FAM81B: variants seen among roughly 807,000 people sequenced by gnomAD.
The protein encoded by FAM81B is family with sequence similarity 81 member B.
A neutral mutation model predicts 58.7 loss-of-function variants in FAM81B; 60 were observed. The ratio of observed to expected loss-of-function variants is 1.02; its 90% CI spans 0.83 to 1.27. The LOEUF (loss-of-function observed/expected upper bound fraction) is 1.27, where lower values mean the gene tolerates loss of function less well. Among genes scored for constraint, FAM81B ranks in the 50% most tolerant of loss-of-function variants. The probability of loss-of-function intolerance (pLI) is 0.00; values close to 1 mark genes in which losing one functional copy is unlikely to be tolerated. For synonymous variants in FAM81B, 189 were observed against 179.6 expected, an observed-to-expected ratio of 1.05 and a Z score of -0.42; for missense variants, 491 against 522.0, an observed-to-expected ratio of 0.94 and a Z score of 0.58.
chr5:95,409,486 T>TTTTTTTTTTTTTTTTTTTTTTTG (rs1554043553), intron 3 of FAM81B, among the ~76,000 whole-genome samples: 5 of 151,500 alleles, frequency 3.3e-5, no homozygotes, highest in Admixed American at 6.6e-5. Flanking sequence ...GAATTTTTCT[T>TTTTTTTTTTTTTTTTTTTTTTTG]AATGTGGCTA....
intron 5 of FAM81B, 36 bp from the exon 6 acceptor site, chr5:95,428,567 G>C: frequency 6.2e-7 from 1 of 1,611,026 alleles, no homozygotes; most frequent in Non-Finnish European, 8.5e-7. Context: ...ATGTTATAAA[G>C]GTATTGATCC....
intron 3 of FAM81B, among the ~76,000 whole-genome samples, chr5:95,408,644 C>T (rs1023092199): frequency 6.6e-5 from 10 of 152,288 alleles, no homozygotes; most frequent in Non-Finnish European, 1.5e-4. Context: ...GCTGGGTAAA[C>T]TCGGACAAAA....
chr5:95,439,236 G>GTATATATATATATAAATATA (rs1745222151), intron 7 of FAM81B, among the ~76,000 whole-genome samples: 1 of 105,186 alleles, frequency 9.5e-6, no homozygotes, highest in African/African-American at 3.5e-5. Context: ...AGGTTAAAGA[G>GTATATATATATATAAATATA]TATATATATA....
At chr5:95,424,943 C>G (rs1264097077) in intron 5 of FAM81B, among the ~76,000 whole-genome samples, 1 of 151,902 alleles carries the variant, frequency 6.6e-6, no homozygotes. Flanking sequence ...AAGAAAAAGT[C>G]AAGATACTAT....
chr5:95,438,800 A>G (rs1465489831), intron 7 of FAM81B, among the ~76,000 whole-genome samples: 1 of 151,060 alleles, frequency 6.6e-6, no homozygotes, highest in East Asian at 1.9e-4. Context: ...AAAAAAAAAA[A>G]ACCAACAACA....
intron 3 of FAM81B, among the ~76,000 whole-genome samples, chr5:95,399,285 G>A (rs1762044814): frequency 6.6e-6 from 1 of 152,188 alleles, no homozygotes; most frequent in African/African-American, 2.4e-5. Context: ...TTAGCACCAT[G>A]GCAGACACTT....
intron 5 of FAM81B, among the ~76,000 whole-genome samples, chr5:95,424,515 T>C (rs1203784191): frequency 6.6e-6 from 1 of 151,302 alleles, no homozygotes; most frequent in Admixed American, 6.6e-5. Flanking sequence ...AAAAGCCCCA[T>C]TGAATCTACA....
At chr5:95,423,626 T>C (rs1250594286) in intron 5 of FAM81B, among the ~76,000 whole-genome samples, 1 of 150,752 alleles carries the variant, frequency 6.6e-6, no homozygotes, top group East Asian at 2.0e-4. Flanking sequence ...AGAAACATAA[T>C]AATGTGGATA....
intron 3 of FAM81B, among the ~76,000 whole-genome samples, chr5:95,397,919 T>A (rs1374463440): frequency 6.6e-6 from 1 of 152,222 alleles, no homozygotes; most frequent in Admixed American, 6.5e-5. Flanking sequence ...TAGCCTATCA[T>A]GATGTACTGA....
chr5:95,437,953 A>AT (rs966500347), intron 7 of FAM81B, among the ~76,000 whole-genome samples: 21 of 152,156 alleles, frequency 1.4e-4, no homozygotes, highest in East Asian at 5.8e-4. Flanking sequence ...TACTTTCTCC[A>AT]TTTTTTCCCA....
intron 7 of FAM81B, among the ~76,000 whole-genome samples, chr5:95,439,324 C>T (rs1053409317): frequency 6.9e-6 from 1 of 145,502 alleles, no homozygotes; most frequent in Non-Finnish European, 1.5e-5. Flanking sequence ...ACACTTCGAC[C>T]AGCAATGTAT....
intron 7 of FAM81B, among the ~76,000 whole-genome samples, chr5:95,438,706 A>G (rs1240424428): frequency 6.6e-6 from 1 of 151,926 alleles, no homozygotes; most frequent in Non-Finnish European, 1.5e-5. Flanking sequence ...AAATAATTCT[A>G]ATAATTCATT....
chr5:95,424,473 T>C (rs576875483), intron 5 of FAM81B, among the ~76,000 whole-genome samples: 1 of 151,424 alleles, frequency 6.6e-6, no homozygotes, highest in South Asian at 2.1e-4. Context: ...AAAGGATTAC[T>C]TGTGAACAGT....
At chr5:95,391,638 A>C in intron 1 of FAM81B, 125 bp downstream of exon 1, 1 of 1,041,974 alleles carries the variant, frequency 9.6e-7, no homozygotes, top group Non-Finnish European at 1.3e-6. Context: ...GGCACAACAG[A>C]GTAATAACTT....
intron 7 of FAM81B, among the ~76,000 whole-genome samples, chr5:95,441,734 T>A (rs185785373): frequency 2.7e-4 from 41 of 152,304 alleles, no homozygotes; most frequent in Admixed American, 9.8e-4. Flanking sequence ...TCTAGTGAAT[T>A]GCTGGGATTT....
chr5:95,447,888 G>A (rs1021021845), intron 8 of FAM81B, among the ~76,000 whole-genome samples: 6 of 152,174 alleles, frequency 3.9e-5, no homozygotes, highest in Non-Finnish European at 7.3e-5. Flanking sequence ...GTTACTAAAC[G>A]ACTGGAATGG....
intron 3 of FAM81B, chr5:95,396,830 C>T (rs1393857222): frequency 6.6e-6 from 1 of 152,266 alleles, no homozygotes; most frequent in Non-Finnish European, 1.5e-5. Context: ...TTTCAGGGCA[C>T]TGGGGATTTA....
At chr5:95,427,433 T>C (rs1226630347) in intron 5 of FAM81B, among the ~76,000 whole-genome samples, 1 of 152,176 alleles carries the variant, frequency 6.6e-6, no homozygotes, top group East Asian at 1.9e-4. Context: ...AGCAGCTTCT[T>C]CACCCCCACT....
chr5:95,402,804 T>C (rs1762148651), intron 3 of FAM81B, among the ~76,000 whole-genome samples: 1 of 152,210 alleles, frequency 6.6e-6, no homozygotes, highest in Middle Eastern at 3.2e-3. Flanking sequence ...CATACAGGTG[T>C]GTGGCATTGG....
Sources: gnomAD v4.1 joint callset for allele counts (sites outside exome capture counted in the v4.1 genomes callset) on GRCh38, gnomAD v4.1.1 for gene constraint, MANE v1.5 for transcripts, NCBI Gene and HGNC (gene_info 2026-07-23, HGNC 2026-07-21) for gene names.